The following TMEM132D variants were observed in gnomAD, a reference collection of about 807,000 sequenced individuals.
TMEM132D encodes the protein transmembrane protein 132D, also known as mature OL transmembrane protein.
TMEM132D carries 21 observed loss-of-function variants against 62.3 expected under a neutral mutation model. The ratio of observed to expected loss-of-function variants is 0.34; its 90% CI spans 0.24 to 0.49. The LOEUF is 0.49. Ranked by LOEUF, TMEM132D falls within the 20% of genes least tolerant of loss-of-function variation. The pLI, the probability that TMEM132D is intolerant of heterozygous loss-of-function variation, is 0.99. For synonymous variants in TMEM132D, 621 were observed against 575.6 expected (o/e 1.08, Z -1.13); for missense variants, 1,346 against 1,402.8 (o/e 0.96, Z 0.65).
rs1210760111 is a variant in TMEM132D at position 129,073,485 on chromosome 12, G to C, written c.*390C>G. 1.3e-5 allele frequency: 2 copies of C among 149,540 alleles called. No homozygotes were observed. Among genetic ancestry groups the C allele is most frequent in the Non-Finnish European group, 2.9e-5 (2 of 69,146 alleles). The allele number at this position is 149,540 out of a possible 1,614,324, so 9.3% of individuals were successfully genotyped here. ...TGCGATCCATGGATGCTCCACCTGA[G>C]TTGTACTTTTCTTCCATAGTCTGCA... On this transcript the variant is annotated 3_prime_UTR_variant, in exon 9 of 9. Coordinates refer to ENST00000422113, the MANE Select transcript of TMEM132D (RefSeq NM_133448.3).
chr12:129,283,858 G>A (rs962862307), intron 4 of TMEM132D, among the ~76,000 whole-genome samples: 13 of 152,228 alleles, frequency 8.5e-5, no homozygotes, highest in African/African-American at 3.1e-4. Context: ...CCTCCTCTCT[G>A]TGTACATGCA....
rs551618823 is a variant in TMEM132D at position 129,766,768 on chromosome 12, C to A, written c.80-66070G>T. On this transcript the variant is annotated intron_variant, in intron 1 of 8. Coordinates refer to ENST00000422113, the MANE Select transcript of TMEM132D (RefSeq NM_133448.3). ...TCTCCTGAAGGTCACTATCCCTAGC[C>A]CAGGCCCCTCTGTGTTGCCTTTGTG... Among the ~76,000 whole-genome samples the A allele has an allele frequency of 5.9e-5, 9 of 152,262 alleles. No individual in the cohort carries two copies. The South Asian group carries it at 1.9e-3, about 32-fold the overall frequency.
At chr12:129,447,340 T>C (rs1336230134) in intron 3 of TMEM132D, among the ~76,000 whole-genome samples, 1 of 152,260 alleles carries the variant, frequency 6.6e-6, no homozygotes, top group Admixed American at 6.5e-5. Context: ...TTGCTTTCTT[T>C]ACTAATACAT....
intron 1 of TMEM132D, among the ~76,000 whole-genome samples, chr12:129,843,147 T>C (rs1234477524): frequency 6.6e-6 from 1 of 152,160 alleles, no homozygotes; most frequent in Non-Finnish European, 1.5e-5. Flanking sequence ...TCTAACAGTA[T>C]TTTTTTCAAT....
At chr12:129,645,910 G>C (rs190146254) in intron 2 of TMEM132D, among the ~76,000 whole-genome samples, 2 of 152,186 alleles carry the variant, frequency 1.3e-5, no homozygotes, top group East Asian at 3.9e-4. Context: ...GTTCTAAAAG[G>C]GGGTAGAACC....
intron 4 of TMEM132D, among the ~76,000 whole-genome samples, chr12:129,246,836 G>A (rs1175004298): frequency 2.0e-5 from 3 of 152,060 alleles, no homozygotes; most frequent in African/African-American, 7.2e-5. Context: ...ATGTAAGACA[G>A]ACATATCTTC....
intron 1 of TMEM132D, among the ~76,000 whole-genome samples, chr12:129,901,473 A>G (rs891452382): frequency 2.6e-5 from 4 of 152,234 alleles, no homozygotes; most frequent in African/African-American, 9.6e-5. Context: ...CAAAGTCTCC[A>G]CACAGAACTG....
chr12:129,874,710 T>C (rs1277204299), intron 1 of TMEM132D, among the ~76,000 whole-genome samples: 4 of 148,058 alleles, frequency 2.7e-5, no homozygotes, highest in Non-Finnish European at 6.0e-5. Context: ...CTTTTTTTTT[T>C]TTTTTTTTGA....
intron 1 of TMEM132D, among the ~76,000 whole-genome samples, chr12:129,746,156 C>T (rs1174367536): frequency 2.0e-5 from 3 of 152,100 alleles, no homozygotes; most frequent in Admixed American, 1.3e-4. Context: ...AAGGTTTGAA[C>T]GATGCAATGA....
chr12:129,899,074 C>T (rs1875244849), intron 1 of TMEM132D, among the ~76,000 whole-genome samples: 1 of 152,212 alleles, frequency 6.6e-6, no homozygotes, highest in African/African-American at 2.4e-5. Flanking sequence ...TCTGTGTTCA[C>T]TGAAGGCATG....
intron 4 of TMEM132D, among the ~76,000 whole-genome samples, chr12:129,299,775 G>A (rs1313246275): frequency 5.9e-5 from 9 of 152,060 alleles, no homozygotes; most frequent in Admixed American, 3.9e-4. Flanking sequence ...CCTTCAGGGC[G>A]TTCTCATGGT....
chr12:129,440,333 C>A (rs1396162529), intron 3 of TMEM132D, among the ~76,000 whole-genome samples: 1 of 152,044 alleles, frequency 6.6e-6, no homozygotes, highest in Non-Finnish European at 1.5e-5. Flanking sequence ...AGTGTCTGAA[C>A]CAAAAGGCCA....
Position 129,719,428 on chromosome 12 carries a change from C to T in TMEM132D, c.80-18730G>A, listed in dbSNP as rs1055850285. Among the ~76,000 whole-genome samples the T allele has an allele frequency of 2.6e-5, 4 of 152,188 alleles. No individual in the cohort carries two copies. The South Asian group carries it at 8.3e-4, about 32-fold the overall frequency. On this transcript the variant is annotated intron_variant, in intron 1 of 8. Transcript: ENST00000422113. Reference sequence around the variant, plus strand: ...AATCTAAATACAACAGAACTAGAGGCATACTGTGCTTGTACAGCACAATAA... The same window carrying T: ...AATCTAAATACAACAGAACTAGAGGTATACTGTGCTTGTACAGCACAATAA...
intron 2 of TMEM132D, among the ~76,000 whole-genome samples, chr12:129,653,483 A>G (rs1001087284): frequency 6.6e-6 from 1 of 152,182 alleles, no homozygotes; most frequent in Non-Finnish European, 1.5e-5. Flanking sequence ...AGGCTAACTG[A>G]TAAGAGGAGA....
At chr12:129,257,700 AT>A (rs1566014018) in intron 4 of TMEM132D, among the ~76,000 whole-genome samples, 1 of 152,152 alleles carries the variant, frequency 6.6e-6, no homozygotes, top group Non-Finnish European at 1.5e-5. Context: ...ACCCATGCAG[AT>A]GTAGGGAAAC....
At chr12:129,285,720 A>G (rs1005044446) in intron 4 of TMEM132D, among the ~76,000 whole-genome samples, 4 of 152,140 alleles carry the variant, frequency 2.6e-5, no homozygotes, top group African/African-American at 7.2e-5. Flanking sequence ...AGCCATTTAC[A>G]TTTAAATCAA....
chr12:129,843,239 A>G (rs1203282599), intron 1 of TMEM132D, among the ~76,000 whole-genome samples: 3 of 152,240 alleles, frequency 2.0e-5, no homozygotes, highest in African/African-American at 7.2e-5. Flanking sequence ...AAAATAAAAA[A>G]ACATTTTAAT....
intron 4 of TMEM132D, among the ~76,000 whole-genome samples, chr12:129,304,496 G>C (rs1881796973): frequency 6.6e-6 from 1 of 151,732 alleles, no homozygotes; most frequent in Non-Finnish European, 1.5e-5. Flanking sequence ...ACAATACCAT[G>C]CAAAGTCCAC....
At chr12:129,675,710 A>AG (rs1016841053) in intron 2 of TMEM132D, among the ~76,000 whole-genome samples, 1 of 152,152 alleles carries the variant, frequency 6.6e-6, no homozygotes, top group African/African-American at 2.4e-5. Flanking sequence ...TCAGGACTCA[A>AG]GGGGGAGAAA....
Sources: allele counts gnomAD v4.1 joint callset (sites outside exome capture counted in the v4.1 genomes callset), GRCh38; gene constraint gnomAD v4.1.1; transcripts MANE v1.5; gene names NCBI Gene and HGNC (gene_info 2026-07-23, HGNC 2026-07-21).